NOC3L: variants seen among roughly 807,000 people sequenced by gnomAD.
NOC3L encodes the protein NOC3 like DNA replication regulator, also known as nucleolar complex protein 3 homolog.
A neutral mutation model predicts 102.5 loss-of-function variants in NOC3L; 85 were observed. The observed-to-expected ratio is 0.83, with a 90% CI of 0.70 to 0.99. The LOEUF (loss-of-function observed/expected upper bound fraction) is 0.99. Among genes scored for constraint, NOC3L ranks in the 50% least tolerant of loss-of-function variants. The pLI, the probability that NOC3L is intolerant of heterozygous loss-of-function variation, is 0.00. For synonymous variants in NOC3L, 303 were observed against 309.4 expected (o/e 0.98, Z 0.22); for missense variants, 878 against 914.9 (o/e 0.96, Z 0.52).
intron 2 of NOC3L, among the ~76,000 whole-genome samples, chr10:94,360,365 A>G (rs2054538935): frequency 6.6e-6 from 1 of 152,152 alleles, no homozygotes; most frequent in African/African-American, 2.4e-5. Flanking sequence ...CATGTACACA[A>G]TGTAGTATTA....
chr10:94,334,812 C>A (rs1441313145), intron 19 of NOC3L, 94 bp from the exon 20 acceptor site: 1 of 881,666 alleles, frequency 1.1e-6, no homozygotes, highest in East Asian at 2.5e-5. Flanking sequence ...CATTCTTAAC[C>A]CATATATTAA....
chr10:94,335,564 G>A (rs868130102), intron 19 of NOC3L, among the ~76,000 whole-genome samples: 3 of 152,258 alleles, frequency 2.0e-5, no homozygotes, highest in Admixed American at 1.3e-4. Context: ...CAGAAGGAAA[G>A]GGCTCATGGA....
chr10:94,340,499 TTA>T lies in NOC3L; in HGVS notation c.1645-5_1645-4del. ...AGACTTTCTTGATAGCTTAGGTCCT[TTA>T]AAAAAAAAAGGGGGGGGTGAGGGGG... On this transcript the variant is annotated splice_polypyrimidine_tract_variant and splice_region_variant and intron_variant, in intron 14 of 20. Transcript: ENST00000371361. The T allele has an allele frequency of 2.3e-6, 2 of 872,648 alleles. No individual in the cohort carries two copies. Among genetic ancestry groups the T allele is most frequent in the Non-Finnish European group, 3.4e-6 (2 of 581,774 alleles). 54.1% of individuals were successfully genotyped at this position (872,648 alleles called of 1,614,324 possible). A position where few individuals can be genotyped will look rare whatever the true frequency, so the allele number is the denominator to read the frequency against.
At chr10:94,329,798 A>AAAC (rs2054136781), downstream of NOC3L, 1 of 150,486 alleles carries the variant, frequency 6.6e-6, no homozygotes, top group Non-Finnish European at 1.5e-5. Flanking sequence ...AAAAAAAAAA[A>AAAC]AAAAAAAAAA....
chr10:94,325,136 G>A, the NOC3L span: 2 of 1,459,336 alleles, frequency 1.4e-6, no homozygotes, highest in Non-Finnish European at 1.9e-6. Flanking sequence ...TCCTGGAACA[G>A]GGCTTAACTT....
chr10:94,341,880 T>C, intron 13 of NOC3L, 135 bp from the exon 14 acceptor site: 1 of 502,300 alleles, frequency 2.0e-6, no homozygotes, highest in Non-Finnish European at 3.5e-6. Flanking sequence ...TGGCAATTAT[T>C]GATACTTTTC....
intron 15 of NOC3L, 38 bp downstream of exon 15, chr10:94,340,395 G>C (rs774085224): frequency 1.2e-6 from 2 of 1,605,714 alleles, no homozygotes; most frequent in Non-Finnish European, 8.5e-7. Flanking sequence ...AGCATTCAAA[G>C]GTAAGGCAAA....
chr10:94,317,899 A>T, the NOC3L span, among the ~76,000 whole-genome samples: 1 of 152,232 alleles, frequency 6.6e-6, no homozygotes, highest in Non-Finnish European at 1.5e-5. Context: ...AATATGTACC[A>T]AGCCCTGTTC....
In NOC3L at chr10:94,350,103, A is replaced by G; in HGVS notation, c.1128+10T>C. ...AAGGAGGACAGCAATAACCATTTAC[A>G]GCAACTCACCAATTTTGACATGTCA... On this transcript the variant is annotated intron_variant, in intron 9 of 20. Coordinates refer to ENST00000371361, the MANE Select transcript of NOC3L (RefSeq NM_022451.11). The G allele has an allele frequency of 1.9e-6, 3 of 1,613,652 alleles. No homozygotes were observed. The highest frequency in any genetic ancestry group is 2.5e-6 in the Non-Finnish European group (3 of 1,179,666).
intron 20 of NOC3L, 43 bp downstream of exon 20, chr10:94,334,591 G>C (rs1351862893): frequency 2.9e-6 from 4 of 1,388,020 alleles, no homozygotes; most frequent in Non-Finnish European, 4.1e-6. Flanking sequence ...GAGATACATT[G>C]GTTTCTATTT....
chr10:94,354,079 G>C (rs2054454265), intron 6 of NOC3L, among the ~76,000 whole-genome samples: 1 of 152,144 alleles, frequency 6.6e-6, no homozygotes, highest in Non-Finnish European at 1.5e-5. Context: ...GTTTTGTAAT[G>C]ATTGAGAGAA....
chr10:94,315,074 C>T, the NOC3L span: 1 of 232,536 alleles, frequency 4.3e-6, no homozygotes, highest in Non-Finnish European at 8.6e-6. Flanking sequence ...CAGGACTGAG[C>T]AGGGGGTGAT....
intron 2 of NOC3L, among the ~76,000 whole-genome samples, chr10:94,359,291 T>C (rs558518125): frequency 2.2e-4 from 34 of 152,252 alleles, no homozygotes; most frequent in African/African-American, 7.5e-4. Context: ...TGAGGCGTGG[T>C]GGCACATGCC....
At chr10:94,320,545 A>C in the NOC3L span, among the ~76,000 whole-genome samples, 2 of 152,186 alleles carry the variant, frequency 1.3e-5, no homozygotes, top group South Asian at 4.1e-4. Context: ...AGCGACAGCA[A>C]CTCATGGATT....
At chr10:94,319,864 C>CTTTTTTTT in the NOC3L span, among the ~76,000 whole-genome samples, 62 of 92,920 alleles carry the variant, frequency 6.7e-4, 2 homozygotes, top group African/African-American at 1.6e-3. Flanking sequence ...CAAAGGTGCT[C>CTTTTTTTT]TTTTTTTTTT....
At position 94,336,601 on chromosome 10, in the gene NOC3L, G is replaced by A. The variant is rs910859445; in HGVS notation, c.2189+1176C>T. 4.0e-4 allele frequency among the ~76,000 whole-genome samples: 61 copies of A among 151,844 alleles called. 1 individual carries two copies. Among genetic ancestry groups the A allele is most frequent in the Non-Finnish European group, 7.4e-4 (50 of 67,932 alleles). ...GACCTCAGGTGATCCACCCGCATCG[G>A]CCTCCCAAAGTGCTGGGATTACAGG... On this transcript the variant is annotated intron_variant, in intron 19 of 20. Transcript: ENST00000371361.
chr10:94,347,252 C>T (rs1240758335), intron 10 of NOC3L, among the ~76,000 whole-genome samples: 1 of 152,070 alleles, frequency 6.6e-6, no homozygotes, highest in Non-Finnish European at 1.5e-5. Flanking sequence ...TGGAAGAAAG[C>T]TGAGTATTTG....
At chr10:94,325,270 T>C in the NOC3L span, 1 of 612,934 alleles carries the variant, frequency 1.6e-6, no homozygotes, top group Non-Finnish European at 2.9e-6. Context: ...AAGATATGTG[T>C]AACATGATAT....
intron 11 of NOC3L, among the ~76,000 whole-genome samples, chr10:94,345,223 T>C (rs1270971423): frequency 6.6e-6 from 1 of 152,094 alleles, no homozygotes. Context: ...GTAAATCTAT[T>C]AATATTTGCT....
Sources: allele counts gnomAD v4.1 joint callset (sites outside exome capture counted in the v4.1 genomes callset), GRCh38; gene constraint gnomAD v4.1.1; transcripts MANE v1.5; gene names NCBI Gene and HGNC (gene_info 2026-07-23, HGNC 2026-07-21).